The following SAMD5 variants were observed in gnomAD, a reference collection of about 807,000 sequenced individuals.
SAMD5 encodes the protein sterile alpha motif domain-containing protein 5.
In SAMD5, 13 loss-of-function variants were observed where a neutral mutation model predicts 11.3. The ratio of observed to expected loss-of-function variants is 1.15; its 90% CI spans 0.75 to 1.83. The LOEUF is 1.83. SAMD5 is among the 40% of genes most tolerant of loss of function. The pLI is 0.00. For synonymous variants in SAMD5, 129 were observed against 111.3 expected, an observed-to-expected ratio of 1.16 and a Z score of -1.00; for missense variants, 255 against 239.1, an observed-to-expected ratio of 1.07 and a Z score of -0.44.
At chr6:147,753,168 C>T in the SAMD5 span, among the ~76,000 whole-genome samples, 5 of 152,170 alleles carry the variant, frequency 3.3e-5, no homozygotes, top group Non-Finnish European at 7.3e-5. Flanking sequence ...AAAGCCAATG[C>T]TGCTTTCCTT....
rs1285348141 is a variant in SAMD5, at chr6:147,688,600, A to G, written c.163-48717A>G. On this transcript the variant is annotated intron_variant, in intron 1 of 1. Coordinates refer to the SAMD5 transcript ENST00000566741. ...TGAATACCAGTGGACCTTGAAGGCC[A>G]GTTTTTGTTATTCTTGGTTTTTAAA... is the stretch of plus-strand genomic sequence containing the variant. 6.6e-5 allele frequency among the ~76,000 whole-genome samples: 10 copies of G among 152,162 alleles called. 1 individual carries two copies. The East Asian group carries it at 1.7e-3, about 26-fold the overall frequency.
chr6:147,737,722 G>A (rs554356714), downstream of SAMD5, among the ~76,000 whole-genome samples: 22 of 130,324 alleles, frequency 1.7e-4, 1 homozygote, highest in Admixed American at 1.2e-3. Context: ...GGAATAGAGT[G>A]GAGTATTAAA....
chr6:147,759,127 A>G, the SAMD5 span, among the ~76,000 whole-genome samples: 1 of 152,198 alleles, frequency 6.6e-6, no homozygotes, highest in Non-Finnish European at 1.5e-5. Context: ...CTGTTTACAT[A>G]TGGTGAAATG....
At chr6:147,622,556 A>G (rs1015439595) in intron 1 of SAMD5, among the ~76,000 whole-genome samples, 1 of 152,172 alleles carries the variant, frequency 6.6e-6, no homozygotes, top group African/African-American at 2.4e-5. Context: ...AGCCAAGTGT[A>G]GGAAGCTGGG....
At chr6:147,607,361 C>A (rs966547793) in intron 1 of SAMD5, among the ~76,000 whole-genome samples, 1 of 151,974 alleles carries the variant, frequency 6.6e-6, no homozygotes, top group Non-Finnish European at 1.5e-5. Context: ...CACAAAAGAC[C>A]TAGGACCAAA....
the SAMD5 span, among the ~76,000 whole-genome samples, chr6:147,758,900 T>C: frequency 3.3e-5 from 5 of 152,176 alleles, no homozygotes; most frequent in Non-Finnish European, 7.3e-5. Context: ...GAAGGTCATC[T>C]TAATGTTTAC....
At chr6:147,927,576 G>A in the SAMD5 span, among the ~76,000 whole-genome samples, 1 of 152,104 alleles carries the variant, frequency 6.6e-6, no homozygotes, top group Admixed American at 6.6e-5. Flanking sequence ...GAGACTATGG[G>A]GTTTTCTAGA....
At chr6:147,705,624 T>C (rs1298701399) in intron 1 of SAMD5, among the ~76,000 whole-genome samples, 2 of 152,188 alleles carry the variant, frequency 1.3e-5, no homozygotes, top group African/African-American at 4.8e-5. Context: ...ATAGAAAACA[T>C]GCCAAGGTGC....
At chr6:147,632,067 G>A (rs1406349511) in intron 1 of SAMD5, among the ~76,000 whole-genome samples, 1 of 152,176 alleles carries the variant, frequency 6.6e-6, no homozygotes, top group African/African-American at 2.4e-5. Context: ...GGGGGAGTAG[G>A]TGGGAGTGAC....
chr6:147,759,772 T>A, the SAMD5 span, among the ~76,000 whole-genome samples: 1 of 152,132 alleles, frequency 6.6e-6, no homozygotes, highest in Admixed American at 6.5e-5. Flanking sequence ...AATCAGTGTA[T>A]CCTATATGAA....
chr6:147,689,584 C>A (rs1026588424), intron 1 of SAMD5, among the ~76,000 whole-genome samples: 4 of 152,146 alleles, frequency 2.6e-5, no homozygotes, highest in African/African-American at 9.7e-5. Flanking sequence ...ACTAAAGGGG[C>A]ATTTTTTTCT....
chr6:147,672,735 G>A (rs904945840), intron 1 of SAMD5, among the ~76,000 whole-genome samples: 26 of 150,572 alleles, frequency 1.7e-4, no homozygotes, highest in African/African-American at 5.6e-4. Context: ...ATTTCTAAAT[G>A]TTCTGATTAT....
the SAMD5 span, among the ~76,000 whole-genome samples, chr6:147,911,804 A>T: frequency 2.0e-5 from 3 of 152,232 alleles, no homozygotes; most frequent in Non-Finnish European, 4.4e-5. Flanking sequence ...TCTGGGCCAG[A>T]TGCAGCTGAT....
the SAMD5 span, among the ~76,000 whole-genome samples, chr6:147,910,041 C>G: frequency 1.3e-5 from 2 of 152,072 alleles, no homozygotes; most frequent in African/African-American, 4.8e-5. Flanking sequence ...TGTTTTAGAG[C>G]ATTTAGTTTT....
At chr6:147,878,815 C>T in the SAMD5 span, among the ~76,000 whole-genome samples, 11 of 151,842 alleles carry the variant, frequency 7.2e-5, no homozygotes, top group African/African-American at 1.7e-4. Flanking sequence ...AGTGCAGTGG[C>T]GCAATCTCGG....
chr6:147,925,682 C>CTTTTTTTT, the SAMD5 span, among the ~76,000 whole-genome samples: 1 of 115,280 alleles, frequency 8.7e-6, no homozygotes. Context: ...ACTGAGAATT[C>CTTTTTTTT]TTTTTTTTTT....
intron 1 of SAMD5, among the ~76,000 whole-genome samples, chr6:147,551,798 T>C (rs1562318540): frequency 7.4e-6 from 1 of 135,560 alleles, no homozygotes; most frequent in Non-Finnish European, 1.5e-5. Flanking sequence ...TTAAATGTGA[T>C]TCTTATATAT....
intron 1 of SAMD5, among the ~76,000 whole-genome samples, chr6:147,562,058 T>C (rs1348446396): frequency 6.6e-6 from 1 of 152,210 alleles, no homozygotes; most frequent in African/African-American, 2.4e-5. Context: ...GATTTGTTTT[T>C]GTGGAATCAG....
the SAMD5 span, among the ~76,000 whole-genome samples, chr6:147,841,419 G>A: frequency 1.6e-3 from 243 of 152,260 alleles, no homozygotes; most frequent in African/African-American, 5.6e-3. Context: ...TGGGATTCAA[G>A]ATCGAGTTTA....
Sources: allele counts gnomAD v4.1 joint callset (sites outside exome capture counted in the v4.1 genomes callset), GRCh38; gene constraint gnomAD v4.1.1; transcripts MANE v1.5; gene names NCBI Gene and HGNC (gene_info 2026-07-23, HGNC 2026-07-21).